The following ATR variants were observed in gnomAD, a reference collection of about 807,000 sequenced individuals.
ATR encodes ATR checkpoint kinase, also known as serine/threonine-protein kinase ATR.
Under a neutral mutation model 305.3 loss-of-function variants are expected in ATR, and 142 were observed. That is an observed-to-expected ratio of 0.47 (90% CI 0.41 to 0.53). ATR has a LOEUF of 0.53. ATR is among the 20% of genes least tolerant of loss of function. The pLI is 0.00. For missense variants in ATR, 2,135 were observed against 3,133.1 expected (o/e 0.68, Z 7.60); for synonymous variants, 1,050 against 1,068.1 (o/e 0.98, Z 0.33).
At position 142,542,047 on chromosome 3, in the gene ATR, G is replaced by A. The variant is rs1205927665; in HGVS notation, c.3450+618C>T. Reference sequence around the variant, plus strand: ...AATTTATAGGACGAAAATTTCCAACGGTGGCCAACTGTTGCAGCAGTCATA... The same window carrying A: ...AATTTATAGGACGAAAATTTCCAACAGTGGCCAACTGTTGCAGCAGTCATA... On this transcript the variant is annotated intron_variant, in intron 17 of 46. Coordinates refer to ENST00000350721, the MANE Select transcript of ATR (RefSeq NM_001184.4). 5.3e-5 allele frequency among the ~76,000 whole-genome samples: 8 copies of A among 151,954 alleles called. No individual in the cohort carries two copies. In the East Asian group the frequency reaches 5.8e-4, roughly 11 times the overall value.
intron 30 of ATR, 82 bp from the exon 31 acceptor site, chr3:142,499,800 A>C: frequency 9.7e-7 from 1 of 1,034,660 alleles, no homozygotes; most frequent in Non-Finnish European, 1.5e-6. Flanking sequence ...TACATACTCT[A>C]TTTATTATAT....
At chr3:142,519,606 AT>A (rs1424765327) in intron 24 of ATR, 62 bp downstream of exon 24, 26 of 1,433,390 alleles carry the variant, frequency 1.8e-5, no homozygotes, top group Non-Finnish European at 2.5e-5. Flanking sequence ...GGCCAAAAAA[AT>A]CGCATTATTT....
Position 142,485,421 on chromosome 3 carries a change from G to A in ATR, c.6079-139C>T, listed in dbSNP as rs370574498. ...AAAGTCAAAAGCAGACTCAATCTTT[G>A]ATGTGGAAAAGGAATAGCTAACTTC... On this transcript the variant is annotated intron_variant, in intron 35 of 46. Coordinates refer to ENST00000350721, the MANE Select transcript of ATR (RefSeq NM_001184.4). The A allele has an allele frequency of 5.3e-5, 58 of 1,085,530 alleles. 1 individual carries two copies. The East Asian group carries it at 7.3e-4, about 14-fold the overall frequency. The allele number at this position is 1,085,530 out of a possible 1,614,324, so 67.2% of individuals were successfully genotyped here.
intron 30 of ATR, chr3:142,500,008 A>C (rs556570707): frequency 3.7e-6 from 1 of 267,414 alleles, no homozygotes; most frequent in East Asian, 9.5e-5. Context: ...ATTCCTGAAT[A>C]ATAACTAAGC....
chr3:142,542,634 A>G (rs2034093997), intron 17 of ATR, 31 bp downstream of exon 17: 2 of 1,542,824 alleles, frequency 1.3e-6, no homozygotes, highest in Non-Finnish European at 1.8e-6. Context: ...TATGAATTCT[A>G]TCTTAGCACT....
rs916401655 is a variant in ATR, at chr3:142,541,091, A to G, written c.3451-57T>C. On this transcript the variant is annotated intron_variant, in intron 17 of 46. Coordinates refer to ENST00000350721, the MANE Select transcript of ATR (RefSeq NM_001184.4). ...CTTATAAACATGCTGCCAGAAGCAG[A>G]TGAGCCCTAAGGACAAGTGCTTCCC... is the stretch of plus-strand genomic sequence containing the variant. The G allele has an allele frequency of 8.2e-6, 13 of 1,593,954 alleles. No homozygotes were observed. The African/African-American group carries it at 1.7e-4, about 21-fold the overall frequency.
At chr3:142,548,303 T>C (rs940602735) in intron 15 of ATR, among the ~76,000 whole-genome samples, 5 of 152,190 alleles carry the variant, frequency 3.3e-5, no homozygotes, top group African/African-American at 1.2e-4. Flanking sequence ...TTATCAGATA[T>C]GCTGACTTGG....
Position 142,550,143 on chromosome 3 carries a change from G to A in ATR, c.2965C>T (p.Arg989Cys), listed in dbSNP as rs911751877. 2.1e-5 allele frequency: 34 copies of A among 1,613,902 alleles called. No homozygotes were observed. The highest frequency in any genetic ancestry group is 2.9e-5 in the Non-Finnish European group (34 of 1,179,996). The stretch of plus-strand genomic sequence containing the variant: ...ATGTTGCAACTTACAGTAAGAAAAC[G>A]ATTAAGATCAGGAAAGTCGAAAACG... ...ANVFDFPDLN[R>C]FLTRTLQVLL... Residue 989 changes from arginine (R) to cysteine (C), a missense_variant, in exon 14 of 47, where the codon CGT becomes TGT. Transcript: ENST00000350721.
At position 142,566,159 on chromosome 3, in the gene ATR, T is replaced by C; in HGVS notation, c.254A>G (p.Asn85Ser). The change falls in exon 3 of 47, where the codon AAT becomes AGT. Residue 85 changes from asparagine to serine, a missense_variant. By Grantham distance (46) the Asn-to-Ser change is conservative (BLOSUM62 1). Around this residue, in one of 9 missense-constraint regions of ATR, gnomAD observed 744 missense variants for 873.2 expected, o/e 0.85. Coordinates refer to ENST00000350721, the MANE Select transcript of ATR (RefSeq NM_001184.4). ...IMKSSPLMFV[N>S]VSGSHEAKGS... The stretch of plus-strand genomic sequence containing the variant: ...TTTGGCCTCATGGCTTCCACTCACA[T>C]TTACAAACATAAGTGGGGAGGATTT... 1.2e-6 allele frequency: 2 copies of C among 1,614,166 alleles called. No homozygotes were observed. Among genetic ancestry groups the C allele is most frequent in the Admixed American group, 3.3e-5 (2 of 60,028 alleles).
intron 21 of ATR, among the ~76,000 whole-genome samples, chr3:142,528,874 TA>T (rs1274407407): frequency 1.4e-4 from 10 of 73,478 alleles, no homozygotes; most frequent in East Asian, 5.9e-4. Context: ...TATATATATA[TA>T]TATATTTTTT....
intron 46 of ATR, chr3:142,450,082 GA>G: frequency 3.2e-6 from 1 of 313,068 alleles, no homozygotes; most frequent in South Asian, 4.0e-5. Context: ...ATAATTCTCA[GA>G]GGTGGTGCTG....
chr3:142,568,115 T>C lies in ATR; in HGVS notation c.99A>G (p.Pro33=), dbSNP rs2035133280. The change falls in exon 2 of 47, where the codon CCA becomes CCG. Residue 33 remains proline (P), a synonymous_variant. Transcript: ENST00000350721. ...PEEYNTVVQK[P]RQILCQFIDR... is the part of the protein sequence containing the mutation. ...CAATGAATTGACACAGAATTTGTCTTGGCTTCTGTACAACTGTATTATATT... is the reference window on the plus strand; with the variant it reads ...CAATGAATTGACACAGAATTTGTCTCGGCTTCTGTACAACTGTATTATATT... 6.2e-7 allele frequency: 1 copy of C among 1,612,826 alleles called. No individual in the cohort carries two copies. The highest frequency in any genetic ancestry group is 1.1e-5 in the South Asian group (1 of 90,892).
intron 1 of ATR, among the ~76,000 whole-genome samples, chr3:142,575,504 T>G (rs2035408727): frequency 6.6e-6 from 1 of 150,872 alleles, no homozygotes; most frequent in African/African-American, 2.4e-5. Context: ...CATTCCCACT[T>G]ATGGGCCTTT....
chr3:142,542,530 CGT>C, intron 17 of ATR, 133 bp downstream of exon 17: 1 of 865,564 alleles, frequency 1.2e-6, no homozygotes, highest in South Asian at 1.6e-5. Context: ...TCCCAAAAAA[CGT>C]ATATGAGTTC....
At chr3:142,507,618 C>T (rs567333532) in intron 28 of ATR, among the ~76,000 whole-genome samples, 1 of 152,294 alleles carries the variant, frequency 6.6e-6, no homozygotes, top group East Asian at 1.9e-4. Flanking sequence ...ACAGAGATGC[C>T]TCTGATTATA....
chr3:142,513,847 A>G (rs1046314773), intron 25 of ATR, among the ~76,000 whole-genome samples: 3 of 152,144 alleles, frequency 2.0e-5, no homozygotes, highest in African/African-American at 7.2e-5. Flanking sequence ...GAACTCATAA[A>G]ATTTTAAAGA....
chr3:142,554,995 G>C (rs190962095), intron 10 of ATR, among the ~76,000 whole-genome samples: 6 of 151,782 alleles, frequency 4.0e-5, no homozygotes, highest in African/African-American at 7.2e-5. Flanking sequence ...CAGCACTTTG[G>C]GGGGACAGAG....
At chr3:142,541,527 CAAAT>C (rs1350029123) in intron 17 of ATR, among the ~76,000 whole-genome samples, 1 of 152,038 alleles carries the variant, frequency 6.6e-6, no homozygotes, top group Admixed American at 6.6e-5. Context: ...TTTAGTAAAA[CAAAT>C]AATTAATGAT....
At chr3:142,509,221 C>G (rs2032418536) in intron 27 of ATR, among the ~76,000 whole-genome samples, 1 of 152,106 alleles carries the variant, frequency 6.6e-6, no homozygotes, top group Non-Finnish European at 1.5e-5. Flanking sequence ...GGCTGCAGTG[C>G]AGTGGCAAGA....
Sources: gnomAD v4.1 joint callset for allele counts (sites outside exome capture counted in the v4.1 genomes callset) on GRCh38, gnomAD v4.1.1 for gene constraint, gnomAD v4.1.1 regional missense constraint, MANE v1.5 for transcripts, NCBI Gene and HGNC (gene_info 2026-07-23, HGNC 2026-07-21) for gene names.